IL21R: variants seen among roughly 807,000 people sequenced by gnomAD.
IL21R encodes interleukin-21 receptor.
Under a neutral mutation model 41.3 loss-of-function variants are expected in IL21R, and 14 were observed. That is an observed-to-expected ratio of 0.34 (90% CI 0.22 to 0.53). The LOEUF is 0.53. Among genes scored for constraint, IL21R ranks in the 20% least tolerant of loss-of-function variants. The pLI is 0.94. For synonymous variants in IL21R, 286 were observed against 287.6 expected, an observed-to-expected ratio of 0.99 and a Z score of 0.05; for missense variants, 588 against 681.6, an observed-to-expected ratio of 0.86 and a Z score of 1.53.
At chr16:27,413,396 C>G (rs1398743611) in intron 1 of IL21R, among the ~76,000 whole-genome samples, 1 of 152,020 alleles carries the variant, frequency 6.6e-6, no homozygotes, top group Non-Finnish European at 1.5e-5. Context: ...CAGTATTCAT[C>G]AAGAGTACTG....
chr16:27,405,167 G>A (rs1452682196), intron 1 of IL21R, among the ~76,000 whole-genome samples: 1 of 151,862 alleles, frequency 6.6e-6, no homozygotes, highest in East Asian at 1.9e-4. Flanking sequence ...CGAGTAGCTG[G>A]GACTACAGGC....
rs116524229 is a variant in IL21R, at chr16:27,414,473, G to A, written c.-17+11855G>A. ...AATATTTTGTTTCAGATATTTTTTA[G>A]ATTATTTATGGGAAAGATTGACCTG... On this transcript the variant is annotated intron_variant, in intron 1 of 8. Coordinates refer to ENST00000337929, the MANE Select transcript of IL21R (RefSeq NM_181078.3). Among the ~76,000 whole-genome samples, 485 of 151,884 alleles carry A rather than the reference G, an allele frequency of 3.2e-3. 3 individuals are homozygous for A. Among genetic ancestry groups the A allele is most frequent in the African/African-American group, 0.011 (460 of 41,446 alleles).
chr16:27,416,044 G>T (rs1596569544), intron 1 of IL21R, among the ~76,000 whole-genome samples: 1 of 152,052 alleles, frequency 6.6e-6, no homozygotes, highest in Non-Finnish European at 1.5e-5. Flanking sequence ...TACCTTTGGG[G>T]TTTCATGGTC....
intron 1 of IL21R, among the ~76,000 whole-genome samples, chr16:27,415,314 G>A (rs1248642938): frequency 6.6e-6 from 1 of 152,188 alleles, no homozygotes; most frequent in African/African-American, 2.4e-5. Flanking sequence ...TAAACTAATA[G>A]GATCAAGATT....
Position 27,427,701 on chromosome 16 carries a change from C to T in IL21R, c.-16-2355C>T, listed in dbSNP as rs191544590. 6.6e-5 allele frequency among the ~76,000 whole-genome samples: 10 copies of T among 152,222 alleles called. 2 individuals carry two copies. The highest frequency in any genetic ancestry group is 2.4e-4 in the African/African-American group (10 of 41,528). ...TCAAGATAAAACCATCAGGGAGTGACGGGGACAGAGCTATGTCAGGACTCG... is the reference window on the plus strand; with the variant it reads ...TCAAGATAAAACCATCAGGGAGTGATGGGGACAGAGCTATGTCAGGACTCG... On this transcript the variant is annotated intron_variant, in intron 1 of 8. Transcript: ENST00000337929.
intron 1 of IL21R, among the ~76,000 whole-genome samples, chr16:27,404,784 G>A (rs1213195615): frequency 6.6e-6 from 1 of 152,206 alleles, no homozygotes; most frequent in Non-Finnish European, 1.5e-5. Flanking sequence ...CCTTGAGGAA[G>A]CCACCTAACC....
chr16:27,408,293 A>G lies in IL21R; in HGVS notation c.-17+5675A>G, dbSNP rs2086778122. 1.3e-5 allele frequency among the ~76,000 whole-genome samples: 2 copies of G among 152,230 alleles called. 1 individual carries two copies. Among genetic ancestry groups the G allele is most frequent in the South Asian group, 4.1e-4 (2 of 4,828 alleles). ...GCTAACAGTCAGTCAAAAAGGGCAG[A>G]TAGTTTCCGTGGCTAAAACAGCACA... On this transcript the variant is annotated intron_variant, in intron 1 of 8. Transcript: ENST00000337929.
intron 1 of IL21R, among the ~76,000 whole-genome samples, chr16:27,405,405 T>C (rs529564067): frequency 5.3e-4 from 80 of 152,304 alleles, no homozygotes; most frequent in Non-Finnish European, 9.1e-4. Flanking sequence ...TAATAAATAT[T>C]ATTGGTCATA....
intron 1 of IL21R, chr16:27,427,430 C>CT (rs1370004462): frequency 1.6e-6 from 1 of 624,736 alleles, no homozygotes; most frequent in East Asian, 1.4e-4. Flanking sequence ...GGGTCTCACT[C>CT]TTTCATTCAG....
intron 8 of IL21R, chr16:27,447,824 A>T (rs2087509801): frequency 6.6e-6 from 1 of 152,290 alleles, no homozygotes; most frequent in South Asian, 2.1e-4. Context: ...AGCATCAAGG[A>T]GGCGGGAAAG....
At chr16:27,417,446 C>A (rs1364641227) in intron 1 of IL21R, among the ~76,000 whole-genome samples, 1 of 152,212 alleles carries the variant, frequency 6.6e-6, no homozygotes. Context: ...GGATTACAGG[C>A]ATGAGCTACT....
chr16:27,442,018 G>GA (rs1464293869), intron 4 of IL21R, among the ~76,000 whole-genome samples: 3 of 152,122 alleles, frequency 2.0e-5, no homozygotes, highest in African/African-American at 4.8e-5. Context: ...TCTCTAGGGG[G>GA]AAAAAACCCT....
intron 2 of IL21R, 123 bp from the exon 3 acceptor site, chr16:27,434,224 A>G (rs1181148168): frequency 3.1e-6 from 2 of 637,820 alleles, no homozygotes; most frequent in Non-Finnish European, 5.6e-6. Flanking sequence ...CTGAGTCCTC[A>G]TATTTGTCCC....
intron 1 of IL21R, among the ~76,000 whole-genome samples, chr16:27,407,329 A>C (rs1451329284): frequency 1.3e-5 from 2 of 152,214 alleles, no homozygotes; most frequent in Non-Finnish European, 2.9e-5. Flanking sequence ...TACACCTGCT[A>C]TGAAGGAGAC....
At chr16:27,423,885 G>A (rs8062670) in intron 1 of IL21R, among the ~76,000 whole-genome samples, 54,532 of 151,906 alleles carry the variant, frequency 0.36, 10,121 homozygotes, top group East Asian at 0.5. Context: ...GCATGTGTTC[G>A]CTTTTATTAG....
At position 27,440,292 on chromosome 16, in the gene IL21R, G is replaced by A. The variant is rs181886006; in HGVS notation, c.352+2605G>A. ...AGAGAGAGAGAGAGCGAGCAAGCGC[G>A]CGCCAGGGTGTAGCTTTGTCCTCCA... On this transcript the variant is annotated intron_variant, in intron 4 of 8. Transcript: ENST00000337929. Among the ~76,000 whole-genome samples, 43 of 148,446 alleles carry A rather than the reference G, an allele frequency of 2.9e-4. 1 individual carries two copies. In the East Asian group the frequency reaches 5.5e-3, roughly 19 times the overall value.
At chr16:27,432,679 TC>T (rs977043406) in intron 2 of IL21R, among the ~76,000 whole-genome samples, 11 of 152,244 alleles carry the variant, frequency 7.2e-5, no homozygotes, top group African/African-American at 2.6e-4. Flanking sequence ...CCAAAATCAG[TC>T]CTGTTTTCTC....
intron 1 of IL21R, among the ~76,000 whole-genome samples, chr16:27,417,098 TG>T (rs1372856135): frequency 6.6e-6 from 1 of 152,174 alleles, no homozygotes; most frequent in African/African-American, 2.4e-5. Context: ...TACAATGGTT[TG>T]TACATTTCTT....
intron 7 of IL21R, 66 bp downstream of exon 7, chr16:27,445,342 T>C (rs1011531429): frequency 2.1e-5 from 21 of 1,003,104 alleles, no homozygotes; most frequent in African/African-American, 3.2e-5. Flanking sequence ...GTATGATACA[T>C]GCAGGGTTGG....
Sources: allele counts gnomAD v4.1 joint callset (sites outside exome capture counted in the v4.1 genomes callset), GRCh38; gene constraint gnomAD v4.1.1; transcripts MANE v1.5; gene names NCBI Gene and HGNC (gene_info 2026-07-23, HGNC 2026-07-21).